Variants in ASB3 observed in about 807,000 individuals in gnomAD.
The protein encoded by ASB3 is ankyrin repeat and SOCS box containing 3.
In ASB3, 41 loss-of-function variants were observed where a neutral mutation model predicts 54.5. That is an observed-to-expected ratio of 0.75 (90% CI 0.59 to 0.98). The LOEUF is 0.98. Among genes scored for constraint, ASB3 ranks in the 50% least tolerant of loss-of-function variants. The probability of loss-of-function intolerance (pLI) is 0.00; values close to 1 mark genes in which losing one functional copy is unlikely to be tolerated. For synonymous variants in ASB3, 266 were observed against 221.2 expected (o/e 1.20, Z -1.80); for missense variants, 733 against 620.0 (o/e 1.18, Z -1.94).
chr2:53,769,238 C>G (rs1023053766), intron 1 of ASB3, among the ~76,000 whole-genome samples: 2 of 152,174 alleles, frequency 1.3e-5, no homozygotes, highest in Middle Eastern at 3.2e-3. Flanking sequence ...TGGCTGGGCC[C>G]GGTAGCTCAC....
rs767624069 is a variant in ASB3, at chr2:53,716,737, T to C, written c.611A>G (p.Asn204Ser). ...TTTGTCCAAGGCTTGACAATTGACA[T>C]TTGCACCTAAGGGTACAAAATAAAA... Reference protein sequence around the residue: ...SLSILISSGANVNCQALDKAT... With the variant: ...SLSILISSGASVNCQALDKAT... Residue 204 changes from asparagine to serine, a missense_variant, in exon 6 of 10, where the codon AAT becomes AGT. Physicochemically the swap from Asn to Ser is conservative, Grantham distance 46. Coordinates refer to ENST00000263634, the MANE Select transcript of ASB3 (RefSeq NM_016115.5). 6.2e-7 allele frequency: 1 copy of C among 1,611,962 alleles called. No individual in the cohort carries two copies. The highest frequency in any genetic ancestry group is 8.5e-7 in the Non-Finnish European group (1 of 1,178,594).
rs775548080 is a variant in ASB3, at chr2:53,774,427, A to G, written c.-13-8842T>C. On this transcript the variant is annotated intron_variant, in intron 1 of 9. Transcript: ENST00000263634. The stretch of plus-strand genomic sequence containing the variant: ...TCTTTTTGAACTTGCAAATTCTATT[A>G]GGAACCTTGTGCCAGAAGAAGCAGA... The G allele has an allele frequency of 3.7e-6, 6 of 1,611,854 alleles. No individual in the cohort carries two copies. In the East Asian group the frequency reaches 1.3e-4, roughly 36 times the overall value.
intron 3 of ASB3, among the ~76,000 whole-genome samples, chr2:53,735,401 A>C (rs1206506664): frequency 6.6e-6 from 1 of 151,922 alleles, no homozygotes; most frequent in Non-Finnish European, 1.5e-5. Flanking sequence ...CATGCCTAAC[A>C]CAGACCTGGA....
At position 53,700,287 on chromosome 2, in the gene ASB3, G is replaced by A. The variant is rs1572866310; in HGVS notation, c.1222C>T (p.Leu408=). The change falls in exon 8 of 10, where the codon CTA becomes TTA. Residue 408 remains leucine (L), a synonymous_variant. Coordinates refer to ENST00000263634, the MANE Select transcript of ASB3 (RefSeq NM_016115.5). The part of the protein sequence containing the change: ...LLVAGFDPLI[L]LCNSWIDSVS... ...ATTTCTTACCAAGAATTGCACAGTAGAATCAGTGGGTCAAATCCAGCAACC... is the reference window on the plus strand; with the variant it reads ...ATTTCTTACCAAGAATTGCACAGTAAAATCAGTGGGTCAAATCCAGCAACC... 11 of 1,613,660 alleles carry A rather than the reference G, an allele frequency of 6.8e-6. No homozygotes were observed. The highest frequency in any genetic ancestry group is 9.3e-6 in the Non-Finnish European group (11 of 1,179,866).
chr2:53,768,012 C>A, intron 1 of ASB3: 1 of 1,613,574 alleles, frequency 6.2e-7, no homozygotes, highest in Non-Finnish European at 8.5e-7. Flanking sequence ...ACCGCGGGGT[C>A]CCCGGCAAGG....
intron 7 of ASB3, among the ~76,000 whole-genome samples, chr2:53,705,532 T>G (rs7601692): frequency 0.56 from 84,793 of 152,008 alleles, 24,364 homozygotes; most frequent in African/African-American, 0.7. Flanking sequence ...TTTTATAGCA[T>G]TTTGATTTTT....
At chr2:53,672,122 T>C (rs895253137) in intron 9 of ASB3, among the ~76,000 whole-genome samples, 3 of 152,224 alleles carry the variant, frequency 2.0e-5, no homozygotes, top group Non-Finnish European at 4.4e-5. Context: ...TTAGGTTTAG[T>C]TTAGTTTATT....
intron 5 of ASB3, among the ~76,000 whole-genome samples, chr2:53,725,293 G>A (rs1209393386): frequency 6.6e-6 from 1 of 152,180 alleles, no homozygotes; most frequent in Non-Finnish European, 1.5e-5. Context: ...AGAGAGGGGA[G>A]GCAGGGAACA....
intron 7 of ASB3, among the ~76,000 whole-genome samples, chr2:53,707,769 T>C (rs1300926484): frequency 3.3e-5 from 5 of 150,454 alleles, no homozygotes; most frequent in Non-Finnish European, 7.4e-5. Flanking sequence ...ATAGACCAGC[T>C]TGGCCAACAT....
intron 1 of ASB3, among the ~76,000 whole-genome samples, chr2:53,778,322 A>G (rs546951956): frequency 6.6e-6 from 1 of 152,036 alleles, no homozygotes; most frequent in Non-Finnish European, 1.5e-5. Flanking sequence ...GACTATAGTT[A>G]TATATTTATG....
At chr2:53,709,143 G>A (rs1669952207) in intron 7 of ASB3, among the ~76,000 whole-genome samples, 1 of 152,298 alleles carries the variant, frequency 6.6e-6, no homozygotes, top group Admixed American at 6.5e-5. Flanking sequence ...AGGCCCAGAG[G>A]CCTAGGAGGA....
chr2:53,783,158 G>A (rs1047845297), intron 1 of ASB3, among the ~76,000 whole-genome samples: 3 of 152,010 alleles, frequency 2.0e-5, no homozygotes, highest in Non-Finnish European at 2.9e-5. Context: ...AGCTATTTCC[G>A]GGAATGGGAC....
chr2:53,749,080 T>TA (rs1233219668), intron 3 of ASB3, among the ~76,000 whole-genome samples: 1 of 152,056 alleles, frequency 6.6e-6, no homozygotes, highest in Non-Finnish European at 1.5e-5. Flanking sequence ...GAAAAGTATA[T>TA]AAGGAACCCT....
At chr2:53,717,667 C>T (rs1670474524) in intron 5 of ASB3, among the ~76,000 whole-genome samples, 1 of 152,104 alleles carries the variant, frequency 6.6e-6, no homozygotes, top group Non-Finnish European at 1.5e-5. Flanking sequence ...GGATCACAGT[C>T]GTGTTCCCGC....
Position 53,765,550 on chromosome 2 carries a change from G to A in ASB3, c.23C>T (p.Ala8Val), listed in dbSNP as rs199947400. Reference sequence around the variant, plus strand: ...AAGTCCAACTGTAGAGCACGTGTCCGCGTAAGCCTCTGTAAAATCCATTTG... The same window carrying A: ...AAGTCCAACTGTAGAGCACGTGTCCACGTAAGCCTCTGTAAAATCCATTTG... The part of the protein sequence containing the change: MDFTEAY[A>V]DTCSTVGLAA... Residue 8 changes from alanine (A) to valine (V), a missense_variant, in exon 2 of 10, where the codon GCG becomes GTG. Transcript: ENST00000263634. The A allele has an allele frequency of 3.4e-5, 55 of 1,614,008 alleles. No individual in the cohort carries two copies. The highest frequency in any genetic ancestry group is 1.6e-4 in the East Asian group (7 of 44,890).
intron 1 of ASB3, chr2:53,774,371 C>T: frequency 6.2e-7 from 1 of 1,613,436 alleles, no homozygotes; most frequent in Non-Finnish European, 8.5e-7. Context: ...ATTTTTAATG[C>T]AGCTGGTCCA....
chr2:53,758,381 A>G (rs768176641), intron 2 of ASB3, among the ~76,000 whole-genome samples: 10 of 152,252 alleles, frequency 6.6e-5, no homozygotes, highest in African/African-American at 1.9e-4. Context: ...CTACAAGGGA[A>G]AAGGACAAAG....
chr2:53,759,699 C>T (rs1673034405), intron 2 of ASB3, among the ~76,000 whole-genome samples: 3 of 152,168 alleles, frequency 2.0e-5, no homozygotes, highest in Non-Finnish European at 4.4e-5. Flanking sequence ...GTATGGTTTA[C>T]AAGGACACTT....
intron 9 of ASB3, among the ~76,000 whole-genome samples, chr2:53,690,701 T>C (rs937676178): frequency 2.7e-5 from 4 of 146,272 alleles, no homozygotes; most frequent in African/African-American, 1.0e-4. Context: ...ATCTCCTACC[T>C]TTTTTTTTTC....
Sources: allele counts gnomAD v4.1 joint callset (sites outside exome capture counted in the v4.1 genomes callset), GRCh38; gene constraint gnomAD v4.1.1; transcripts MANE v1.5; gene names NCBI Gene and HGNC (gene_info 2026-07-23, HGNC 2026-07-21).